The following CACNA2D3 variants were observed in gnomAD, a reference collection of about 807,000 sequenced individuals.
CACNA2D3 encodes calcium voltage-gated channel auxiliary subunit alpha2delta 3, also known as voltage-dependent calcium channel subunit alpha-2/delta-3.
CACNA2D3 carries 60 observed loss-of-function variants against 160.6 expected under a neutral mutation model. That is an observed-to-expected ratio of 0.37 (90% CI 0.30 to 0.46). The LOEUF (loss-of-function observed/expected upper bound fraction) is 0.46, where lower values mean the gene tolerates loss of function less well. CACNA2D3 is among the 20% of genes least tolerant of loss of function. CACNA2D3 has a pLI of 1.00. For missense variants in CACNA2D3, 1,205 were observed against 1,365.0 expected (o/e 0.88, Z 1.85); for synonymous variants, 558 against 492.9 (o/e 1.13, Z -1.75).
At chr3:54,141,094 C>CGCGCGCGCACAT (rs768348036) in intron 2 of CACNA2D3, among the ~76,000 whole-genome samples, 4 of 81,976 alleles carry the variant, frequency 4.9e-5, no homozygotes, top group Admixed American at 2.2e-4. Flanking sequence ...TGTGCGCGCG[C>CGCGCGCGCACAT]GCGCGTGTGT....
intron 4 of CACNA2D3, among the ~76,000 whole-genome samples, chr3:54,440,371 G>A (rs377027497): frequency 1.1e-4 from 16 of 152,180 alleles, no homozygotes; most frequent in African/African-American, 3.9e-4. Flanking sequence ...TCTTCAAACT[G>A]CTTTTATTAG....
chr3:54,234,188 G>A (rs1202306107), intron 2 of CACNA2D3, among the ~76,000 whole-genome samples: 7 of 152,018 alleles, frequency 4.6e-5, no homozygotes, highest in Non-Finnish European at 1.0e-4. Context: ...AAAAAGTGGC[G>A]TGAACAGACA....
chr3:54,348,859 C>G (rs1698502217), intron 3 of CACNA2D3, among the ~76,000 whole-genome samples: 1 of 152,182 alleles, frequency 6.6e-6, no homozygotes, highest in Non-Finnish European at 1.5e-5. Context: ...TCCCCAGTAA[C>G]TTGGATCACA....
At chr3:54,508,067 C>A (rs1701400695) in intron 5 of CACNA2D3, among the ~76,000 whole-genome samples, 1 of 152,296 alleles carries the variant, frequency 6.6e-6, no homozygotes, top group Middle Eastern at 3.4e-3. Flanking sequence ...AACTCCAAGA[C>A]TGAGGGAGCT....
At position 54,848,419 on chromosome 3, in the gene CACNA2D3, G is replaced by T. The variant is rs1393167217; in HGVS notation, c.1626+1952G>T. Among the ~76,000 whole-genome samples, 3 of 152,218 alleles carry T rather than the reference G, an allele frequency of 2.0e-5. No homozygotes were observed. In the South Asian group the frequency reaches 6.2e-4, roughly 32 times the overall value. ...GGATTTTGGCCATGCCATACATGGGGTGGCCCAAACAAATGCCCCATATTC... is the reference window on the plus strand; with the variant it reads ...GGATTTTGGCCATGCCATACATGGGTTGGCCCAAACAAATGCCCCATATTC... On this transcript the variant is annotated intron_variant, in intron 17 of 37. Transcript: ENST00000474759.
At chr3:54,369,171 T>C (rs1698878805) in intron 3 of CACNA2D3, among the ~76,000 whole-genome samples, 1 of 152,158 alleles carries the variant, frequency 6.6e-6, no homozygotes, top group South Asian at 2.1e-4. Context: ...GAGTTTCGTT[T>C]GTTTGTTTCA....
At chr3:54,796,396 C>A (rs765232567) in intron 13 of CACNA2D3, among the ~76,000 whole-genome samples, 9 of 152,102 alleles carry the variant, frequency 5.9e-5, no homozygotes, top group Admixed American at 1.3e-4. Flanking sequence ...TGTGTGAGTT[C>A]TCATTGTTAG....
At chr3:54,420,285 A>G (rs1343731121) in intron 4 of CACNA2D3, among the ~76,000 whole-genome samples, 2 of 151,666 alleles carry the variant, frequency 1.3e-5, no homozygotes, top group Non-Finnish European at 2.9e-5. Context: ...GGGTTTCACT[A>G]TGTTGGCCAG....
rs184141129 is a variant in CACNA2D3 at position 54,451,718 on chromosome 3, T to C, written c.382-51774T>C. On this transcript the variant is annotated intron_variant, in intron 4 of 37. Transcript: ENST00000474759. ...TTGATTAACAATTCCATCCTCAGTT[T>C]ATCACTTTCCTCTCACATATCACTA... is the stretch of plus-strand genomic sequence containing the variant. Among the ~76,000 whole-genome samples the C allele has an allele frequency of 2.6e-5, 4 of 152,284 alleles. No homozygotes were observed. In the East Asian group the frequency reaches 7.7e-4, roughly 29 times the overall value.
intron 2 of CACNA2D3, among the ~76,000 whole-genome samples, chr3:54,254,202 C>T (rs1202816349): frequency 2.0e-5 from 3 of 152,194 alleles, no homozygotes; most frequent in African/African-American, 7.2e-5. Context: ...GAGGGATGCT[C>T]TCCCATCAGA....
chr3:54,409,017 T>C (rs372854901), intron 4 of CACNA2D3, among the ~76,000 whole-genome samples: 1 of 152,212 alleles, frequency 6.6e-6, no homozygotes, highest in East Asian at 1.9e-4. Flanking sequence ...GGATTGATTG[T>C]TCTGCAACCT....
chr3:54,797,703 T>A (rs1201769978), intron 13 of CACNA2D3, among the ~76,000 whole-genome samples: 1 of 152,224 alleles, frequency 6.6e-6, no homozygotes, highest in African/African-American at 2.4e-5. Context: ...GAGTTTGTAA[T>A]GTCCTCTAAA....
At chr3:54,481,305 C>A (rs1389862229) in intron 4 of CACNA2D3, among the ~76,000 whole-genome samples, 6 of 152,174 alleles carry the variant, frequency 3.9e-5, no homozygotes, top group African/African-American at 1.4e-4. Context: ...TTTGCACAGC[C>A]AAAGTGGAGT....
chr3:55,030,380 A>G (rs1703663475), intron 35 of CACNA2D3, among the ~76,000 whole-genome samples: 1 of 152,214 alleles, frequency 6.6e-6, no homozygotes, highest in African/African-American at 2.4e-5. Flanking sequence ...TGTGCTAATC[A>G]GTCTTTAATA....
At chr3:54,298,944 TAAAAAAAAAAAAA>T (rs59100168) in intron 2 of CACNA2D3, among the ~76,000 whole-genome samples, 44 of 99,254 alleles carry the variant, frequency 4.4e-4, no homozygotes, top group Non-Finnish European at 6.6e-4. Flanking sequence ...CTCTGTTTCT[TAAAAAAAAAAAAA>T]AAAAAAAAAA....
chr3:54,619,455 T>C (rs1270813935), intron 9 of CACNA2D3, among the ~76,000 whole-genome samples: 2 of 152,276 alleles, frequency 1.3e-5, no homozygotes, highest in Non-Finnish European at 1.5e-5. Flanking sequence ...TCTGACTACC[T>C]GGATGAAATA....
rs1701538979 is a variant in CACNA2D3 at position 54,736,715 on chromosome 3, G to A, written c.1168-15884G>A. Among the ~76,000 whole-genome samples the A allele has an allele frequency of 2.6e-5, 4 of 152,174 alleles. 1 individual carries two copies. The South Asian group carries it at 8.3e-4, about 32-fold the overall frequency. On this transcript the variant is annotated intron_variant, in intron 11 of 37. Coordinates refer to ENST00000474759, the MANE Select transcript of CACNA2D3 (RefSeq NM_018398.3). The stretch of plus-strand genomic sequence containing the variant: ...TTTTGTTGCCATGGGTAGTATTCTG[G>A]GATCTGCTGGTTCATGCACTTTGCC...
intron 10 of CACNA2D3, among the ~76,000 whole-genome samples, chr3:54,631,892 A>AT (rs771117513): frequency 2.0e-4 from 30 of 152,142 alleles, no homozygotes; most frequent in Non-Finnish European, 3.5e-4. Context: ...ACCTTTTAAA[A>AT]TTTTTTCTTA....
In CACNA2D3 at chr3:54,350,981, T is replaced by G. The variant is rs57668386; in HGVS notation, c.321+30423T>G. ...GATCTTGAGTCTGTTTTTTTTTTTT[T>G]GTTTGTTTTTTTTTTTTTTTTTTTT... On this transcript the variant is annotated intron_variant, in intron 3 of 37. Coordinates refer to ENST00000474759, the MANE Select transcript of CACNA2D3 (RefSeq NM_018398.3). Among the ~76,000 whole-genome samples, 109 of 43,714 alleles carry G rather than the reference T, an allele frequency of 2.5e-3. 5 individuals are homozygous for G. The highest frequency in any genetic ancestry group is 0.013 in the Middle Eastern group (1 of 78). 28.7% of individuals were successfully genotyped at this position (43,714 alleles called of 152,430 possible). A position where few individuals can be genotyped will look rare whatever the true frequency, so the allele number is the denominator to read the frequency against.
Sources: allele counts gnomAD v4.1 joint callset (sites outside exome capture counted in the v4.1 genomes callset), GRCh38; gene constraint gnomAD v4.1.1; transcripts MANE v1.5; gene names NCBI Gene and HGNC (gene_info 2026-07-23, HGNC 2026-07-21).